Variants in SVIL observed in about 807,000 individuals in gnomAD.
SVIL encodes the protein supervillin, also known as archvillin.
In SVIL, 101 loss-of-function variants were observed where a neutral mutation model predicts 240.4. That is an observed-to-expected ratio of 0.42 (90% CI 0.36 to 0.50). The LOEUF is 0.50. Among genes scored for constraint, SVIL ranks in the 20% least tolerant of loss-of-function variants. The pLI, the probability that SVIL is intolerant of heterozygous loss-of-function variation, is 0.01. For missense variants in SVIL, 2,512 were observed against 2,818.7 expected (o/e 0.89, Z 2.46); for synonymous variants, 999 against 1,100.0 (o/e 0.91, Z 1.82).
intron 21 of SVIL, among the ~76,000 whole-genome samples, chr10:29,491,539 C>T (rs11007622): frequency 0.19 from 28,551 of 152,174 alleles, 2,858 homozygotes; most frequent in Admixed American, 0.21. Context: ...CCACTTAACG[C>T]ACTGCCTCCT....
chr10:29,513,342 A>G (rs34279206), intron 16 of SVIL, among the ~76,000 whole-genome samples: 66,528 of 152,120 alleles, frequency 0.44, 15,225 homozygotes, highest in African/African-American at 0.55. Flanking sequence ...AAGCTGAGGC[A>G]GGTGGATCAC....
intron 1 of SVIL, among the ~76,000 whole-genome samples, chr10:29,724,175 TTC>T (rs1491542102): frequency 1.1e-5 from 1 of 87,650 alleles, no homozygotes; most frequent in African/African-American, 3.7e-5. Flanking sequence ...GTTTTTTGTT[TTC>T]TCTCTTTTTT....
At chr10:29,557,961 T>G in intron 3 of SVIL, among the ~76,000 whole-genome samples, 1 of 152,230 alleles carries the variant, frequency 6.6e-6, no homozygotes, top group African/African-American at 2.4e-5. Context: ...GGATGTTGAA[T>G]GTCCCAGGTT....
intron 1 of SVIL, among the ~76,000 whole-genome samples, chr10:29,708,257 C>CAAAAAAAAAAAAAAAAAAAAAAAAAAAA (rs35982600): frequency 3.2e-5 from 2 of 62,708 alleles, no homozygotes; most frequent in African/African-American, 1.3e-4. Flanking sequence ...GACTCCATCT[C>CAAAAAAAAAAAAAAAAAAAAAAAAAAAA]AAAAAAAAAA....
chr10:29,728,783 A>G (rs540029855), intron 1 of SVIL, among the ~76,000 whole-genome samples: 120 of 152,298 alleles, frequency 7.9e-4, no homozygotes, highest in African/African-American at 2.5e-3. Context: ...ATCAGAAAGG[A>G]TCGCAAGGGG....
Position 29,484,541 on chromosome 10 carries a change from C to T in SVIL, c.4955+115G>A, listed in dbSNP as rs1192251548. ...ATATTCACAGTCCACTGCATATAAT[C>T]GTTTATGAAAACTGAACCCTATAAA... On this transcript the variant is annotated intron_variant, in intron 27 of 37. Transcript: ENST00000355867. This position sits in a 1 kb window ranked among gnomAD's most constrained non-coding sequence, Gnocchi z 4.7. 5.9e-6 allele frequency: 5 copies of T among 845,438 alleles called. No homozygotes were observed. In the African/African-American group the frequency reaches 7.0e-5, roughly 12 times the overall value. The allele number at this position is 845,438 out of a possible 1,614,324, so 52.4% of individuals were successfully genotyped here.
intron 28 of SVIL, 31 bp from the exon 29 acceptor site, chr10:29,480,844 T>C: frequency 4.4e-6 from 7 of 1,583,156 alleles, no homozygotes; most frequent in South Asian, 2.2e-5. Context: ...ATCAGTTCAG[T>C]TGCCTGTTTC....
chr10:29,651,545 C>T (rs943042109), intron 3 of SVIL, among the ~76,000 whole-genome samples: 3 of 152,010 alleles, frequency 2.0e-5, no homozygotes, highest in Admixed American at 2.0e-4. Flanking sequence ...TCCTTCCTCC[C>T]TGGCTGGCCA....
intron 3 of SVIL, among the ~76,000 whole-genome samples, chr10:29,560,944 T>C (rs1479296346): frequency 6.6e-6 from 1 of 151,846 alleles, no homozygotes; most frequent in African/African-American, 2.4e-5. Context: ...GTTCAAGCGA[T>C]TCTCCTGCCT....
At chr10:29,601,524 A>G (rs1029817323) in intron 1 of SVIL, among the ~76,000 whole-genome samples, 1 of 152,222 alleles carries the variant, frequency 6.6e-6, no homozygotes, top group Admixed American at 6.5e-5. Flanking sequence ...TGCAACTACT[A>G]TATAGAATGA....
At chr10:29,704,525 G>T (rs1002100545) in intron 1 of SVIL, among the ~76,000 whole-genome samples, 1 of 152,076 alleles carries the variant, frequency 6.6e-6, no homozygotes, top group Non-Finnish European at 1.5e-5. Flanking sequence ...GCCTCCCAAA[G>T]TGCTGGCCTC....
chr10:29,703,438 A>C (rs1010351947), intron 1 of SVIL, among the ~76,000 whole-genome samples: 3 of 152,322 alleles, frequency 2.0e-5, no homozygotes, highest in Middle Eastern at 6.8e-3. Flanking sequence ...CCCCAAATGC[A>C]TCACTCTTTT....
intron 13 of SVIL, among the ~76,000 whole-genome samples, chr10:29,526,292 TTTTTTTCTCTTTC>T (rs1950901294): frequency 6.7e-6 from 1 of 148,396 alleles, no homozygotes; most frequent in Non-Finnish European, 1.5e-5. Context: ...TTTTTCTTTC[TTTTTTTCTCTTTC>T]TTTTTTTTTT....
intron 1 of SVIL, among the ~76,000 whole-genome samples, chr10:29,581,446 A>T (rs4749461): frequency 6.6e-6 from 1 of 152,042 alleles, no homozygotes; most frequent in African/African-American, 2.4e-5. Flanking sequence ...AAAATGTTGC[A>T]TTACATCACT....
At chr10:29,661,933 A>G (rs1403749173) in intron 2 of SVIL, among the ~76,000 whole-genome samples, 3 of 152,060 alleles carry the variant, frequency 2.0e-5, no homozygotes, top group Non-Finnish European at 4.4e-5. Flanking sequence ...CAAAGGGCTG[A>G]GGTTACAGGA....
At chr10:29,635,232 A>G (rs186523374), upstream of SVIL, among the ~76,000 whole-genome samples, 119 of 152,320 alleles carry the variant, frequency 7.8e-4, no homozygotes, top group African/African-American at 2.8e-3. Context: ...TCTCTAACTT[A>G]GTTTTTTTAG....
chr10:29,619,957 A>G (rs1957570143), intron 1 of SVIL, among the ~76,000 whole-genome samples: 1 of 152,242 alleles, frequency 6.6e-6, no homozygotes, highest in African/African-American at 2.4e-5. Flanking sequence ...CAAAGATAAC[A>G]GAGAAGAAAA....
Position 29,470,293 on chromosome 10 carries a change from C to T in SVIL, c.5826G>A (p.Ala1942=), listed in dbSNP as rs763097398. The T allele has an allele frequency of 2.2e-5, 35 of 1,614,078 alleles. No individual in the cohort carries two copies. The highest frequency in any genetic ancestry group is 1.6e-4 in the Middle Eastern group (1 of 6,084). ...AHTKEVGRTA[A]NKIKEQCPLE... Reference sequence around the variant, plus strand: ...ACACTCACTGTTCCTTGATCTTGTTCGCAGCGGTCCTTCCGACCTCCTTCG... The same window carrying T: ...ACACTCACTGTTCCTTGATCTTGTTTGCAGCGGTCCTTCCGACCTCCTTCG... The change falls in exon 32 of 38, where the codon GCG becomes GCA. Residue 1942 remains alanine, a synonymous_variant. Transcript: ENST00000355867.
intron 15 of SVIL, 30 bp from the exon 16 acceptor site, chr10:29,522,665 G>T: frequency 6.2e-7 from 1 of 1,602,672 alleles, no homozygotes; most frequent in South Asian, 1.1e-5. Context: ...CATCAGCACT[G>T]AACTCCTCAG....
Sources: gnomAD v4.1 joint callset for allele counts (sites outside exome capture counted in the v4.1 genomes callset) on GRCh38, gnomAD v4.1.1 for gene constraint, Gnocchi (gnomAD v3.1) non-coding constraint, MANE v1.5 for transcripts, NCBI Gene and HGNC (gene_info 2026-07-23, HGNC 2026-07-21) for gene names.